ABCA13: variants seen among roughly 807,000 people sequenced by gnomAD.
The protein encoded by ABCA13 is ATP-binding cassette sub-family A member 13.
A neutral mutation model predicts 478.7 loss-of-function variants in ABCA13; 476 were observed. The ratio of observed to expected loss-of-function variants is 0.99; its 90% CI spans 0.92 to 1.07. The LOEUF is 1.07. Among genes scored for constraint, ABCA13 ranks in the 50% least tolerant of loss-of-function variants. The pLI is 0.00. For missense variants in ABCA13, 6,060 were observed against 5,910.6 expected, an observed-to-expected ratio of 1.03 and a Z score of -0.83; for synonymous variants, 2,252 against 2,158.9, an observed-to-expected ratio of 1.04 and a Z score of -1.20.
intron 43 of ABCA13, among the ~76,000 whole-genome samples, chr7:48,463,853 A>G (rs927209374): frequency 2.9e-4 from 44 of 151,686 alleles, no homozygotes; most frequent in African/African-American, 9.4e-4. Context: ...GAAAGGAGGA[A>G]GGGAGGAAGG....
At chr7:48,294,742 G>A (rs1366802951) in intron 20 of ABCA13, among the ~76,000 whole-genome samples, 4 of 152,132 alleles carry the variant, frequency 2.6e-5, no homozygotes, top group African/African-American at 9.7e-5. Context: ...CACCGCGCCC[G>A]GCCCGTTTCT....
At chr7:48,638,513 A>G (rs1462467973) in intron 59 of ABCA13, among the ~76,000 whole-genome samples, 1 of 152,132 alleles carries the variant, frequency 6.6e-6, no homozygotes, top group African/African-American at 2.4e-5. Flanking sequence ...GCTGCCAAAC[A>G]CTGTTTTGTT....
chr7:48,344,472 T>C (rs1338157708), intron 29 of ABCA13, among the ~76,000 whole-genome samples: 2 of 152,250 alleles, frequency 1.3e-5, no homozygotes, highest in African/African-American at 4.8e-5. Flanking sequence ...CACTGAATGG[T>C]GAACAATCGT....
At chr7:48,190,738 T>C (rs1030800096) in intron 1 of ABCA13, among the ~76,000 whole-genome samples, 1 of 152,208 alleles carries the variant, frequency 6.6e-6, no homozygotes, top group Admixed American at 6.5e-5. Context: ...AGTAGCAAGG[T>C]AGAACTATAA....
At chr7:48,253,461 A>G (rs1792886932) in intron 15 of ABCA13, among the ~76,000 whole-genome samples, 1 of 152,186 alleles carries the variant, frequency 6.6e-6, no homozygotes, top group African/African-American at 2.4e-5. Flanking sequence ...AATGTCACAA[A>G]ATTTCACAAT....
intron 42 of ABCA13, 94 bp downstream of exon 42, chr7:48,427,965 T>C: frequency 1.1e-6 from 1 of 877,746 alleles, no homozygotes; most frequent in East Asian, 2.7e-5. Context: ...ATAGCAAGGT[T>C]CTGAAGTTAG....
intron 49 of ABCA13, among the ~76,000 whole-genome samples, chr7:48,507,231 T>C (rs73694656): frequency 0.067 from 10,156 of 152,288 alleles, 415 homozygotes; most frequent in African/African-American, 0.11. Flanking sequence ...GCACAGCAGA[T>C]GACTTGTGCT....
At chr7:48,250,945 C>T (rs1792458840) in intron 15 of ABCA13, among the ~76,000 whole-genome samples, 1 of 152,184 alleles carries the variant, frequency 6.6e-6, no homozygotes, top group Admixed American at 6.6e-5. Flanking sequence ...ATGGGAGTTT[C>T]TCATTCCTTT....
chr7:48,253,311 C>T (rs879646961), intron 15 of ABCA13, among the ~76,000 whole-genome samples: 2 of 152,140 alleles, frequency 1.3e-5, no homozygotes, highest in African/African-American at 2.4e-5. Context: ...CCAGTCACTT[C>T]GGCAGCCCCT....
chr7:48,621,838 A>G (rs1793167851), intron 59 of ABCA13, among the ~76,000 whole-genome samples: 1 of 152,188 alleles, frequency 6.6e-6, no homozygotes, highest in Non-Finnish European at 1.5e-5. Context: ...AGCTAAAAGC[A>G]TTTTCCTGAT....
intron 43 of ABCA13, among the ~76,000 whole-genome samples, chr7:48,460,283 G>A (rs1826109196): frequency 6.6e-6 from 1 of 152,202 alleles, no homozygotes; most frequent in Non-Finnish European, 1.5e-5. Flanking sequence ...TTACTTAACA[G>A]AAATGTATTT....
intron 55 of ABCA13, among the ~76,000 whole-genome samples, chr7:48,552,616 A>G (rs1005110958): frequency 4.0e-5 from 6 of 150,540 alleles, no homozygotes; most frequent in African/African-American, 1.5e-4. Context: ...AGAAAAAAAT[A>G]TGTATTGACA....
Position 48,645,819 on chromosome 7 carries a change from C to T in ABCA13, c.*307C>T, listed in dbSNP as rs1180104998. On this transcript the variant is annotated 3_prime_UTR_variant, in exon 62 of 62. Transcript: ENST00000435803. Reference sequence around the variant, plus strand: ...TTGACAGTGTCCAAACTGAGACATTCTGGAGCTGGAAAGCCTGTCACACTA... The same window carrying T: ...TTGACAGTGTCCAAACTGAGACATTTTGGAGCTGGAAAGCCTGTCACACTA... The T allele has an allele frequency of 3.3e-6, 1 of 305,334 alleles. No homozygotes were observed. Among genetic ancestry groups the T allele is most frequent in the Non-Finnish European group, 6.1e-6 (1 of 163,606 alleles). The allele number at this position is 305,334 out of a possible 1,614,324, so 18.9% of individuals were successfully genotyped here.
At chr7:48,553,515 G>A (rs1785512057) in intron 55 of ABCA13, among the ~76,000 whole-genome samples, 1 of 151,918 alleles carries the variant, frequency 6.6e-6, no homozygotes, top group Non-Finnish European at 1.5e-5. Flanking sequence ...TTTAACTGGG[G>A]TGAGATATCT....
At chr7:48,231,391 G>C (rs1364600744) in intron 7 of ABCA13, among the ~76,000 whole-genome samples, 3 of 152,168 alleles carry the variant, frequency 2.0e-5, no homozygotes, top group Non-Finnish European at 4.4e-5. Flanking sequence ...AGAGAAGACT[G>C]TGAGATACTT....
chr7:48,381,802 G>T (rs79425012), intron 35 of ABCA13, among the ~76,000 whole-genome samples: 1 of 152,210 alleles, frequency 6.6e-6, no homozygotes, highest in East Asian at 1.9e-4. Context: ...TGTAAATGGA[G>T]GGCCTTTGCA....
intron 48 of ABCA13, among the ~76,000 whole-genome samples, chr7:48,502,319 C>G (rs1208672481): frequency 1.3e-5 from 2 of 152,170 alleles, no homozygotes; most frequent in East Asian, 3.9e-4. Context: ...GCAATAAATT[C>G]ATAACAGAAG....
intron 56 of ABCA13, among the ~76,000 whole-genome samples, chr7:48,583,121 G>A (rs185016541): frequency 6.6e-6 from 1 of 152,260 alleles, no homozygotes; most frequent in East Asian, 1.9e-4. Flanking sequence ...GAAGAGGTAT[G>A]GCCCCTCATC....
chr7:48,595,613 A>G (rs920996298), intron 58 of ABCA13, among the ~76,000 whole-genome samples: 11 of 152,230 alleles, frequency 7.2e-5, no homozygotes, highest in Non-Finnish European at 1.5e-5. Flanking sequence ...CACAGCAAGA[A>G]CAGTAGCCAG....
Sources: gnomAD v4.1 joint callset for allele counts (sites outside exome capture counted in the v4.1 genomes callset) on GRCh38, gnomAD v4.1.1 for gene constraint, MANE v1.5 for transcripts, NCBI Gene and HGNC (gene_info 2026-07-23, HGNC 2026-07-21) for gene names.